SLC24A2: variants seen among roughly 807,000 people sequenced by gnomAD.
SLC24A2 encodes the protein solute carrier family 24 member 2.
SLC24A2 carries 36 observed loss-of-function variants against 62.0 expected under a neutral mutation model. The ratio of observed to expected loss-of-function variants is 0.58; its 90% CI spans 0.44 to 0.77. SLC24A2 has a LOEUF of 0.77. SLC24A2 is among the 30% of genes least tolerant of loss of function. The probability of loss-of-function intolerance (pLI) is 0.00; values close to 1 mark genes in which losing one functional copy is unlikely to be tolerated. For synonymous variants in SLC24A2, 358 were observed against 294.0 expected, an observed-to-expected ratio of 1.22 and a Z score of -2.23; for missense variants, 846 against 817.9, an observed-to-expected ratio of 1.03 and a Z score of -0.42.
the SLC24A2 span, among the ~76,000 whole-genome samples, chr9:19,816,527 C>T: frequency 6.6e-6 from 1 of 152,022 alleles, no homozygotes; most frequent in Non-Finnish European, 1.5e-5. Flanking sequence ...TTACACCATG[C>T]TTGCATTGCT....
the SLC24A2 span, among the ~76,000 whole-genome samples, chr9:19,823,042 TA>T: frequency 6.6e-6 from 1 of 152,102 alleles, no homozygotes; most frequent in African/African-American, 2.4e-5. Context: ...ATTTCCCCAG[TA>T]AAATCTTTTC....
At chr9:19,971,554 A>T in the SLC24A2 span, among the ~76,000 whole-genome samples, 1 of 152,196 alleles carries the variant, frequency 6.6e-6, no homozygotes, top group African/African-American at 2.4e-5. Flanking sequence ...CCACTCAGGG[A>T]AAAGCAGTGT....
Position 19,682,186 on chromosome 9 carries a change from A to G in SLC24A2, c.931-59887T>C, listed in dbSNP as rs558082785. 1.2e-4 allele frequency among the ~76,000 whole-genome samples: 19 copies of G among 152,248 alleles called. No homozygotes were observed. In the South Asian group the frequency reaches 3.5e-3, roughly 28 times the overall value. On this transcript the variant is annotated intron_variant, in intron 2 of 10. Transcript: ENST00000341998. ...CAGAGCTAAGATTCTAACTATAACA[A>G]TGCTCACCTGCAGTGATGAACATCC...
chr9:20,191,201 T>G, the SLC24A2 span, among the ~76,000 whole-genome samples: 4 of 151,788 alleles, frequency 2.6e-5, no homozygotes, highest in African/African-American at 9.7e-5. Flanking sequence ...CCTTTGGATC[T>G]CTTACTTCCA....
At chr9:20,173,348 A>C in the SLC24A2 span, among the ~76,000 whole-genome samples, 6 of 152,112 alleles carry the variant, frequency 3.9e-5, no homozygotes, top group African/African-American at 1.4e-4. Context: ...AGACAAGAGA[A>C]AGAAATCAAG....
the SLC24A2 span, among the ~76,000 whole-genome samples, chr9:20,130,001 C>A: frequency 1.6e-3 from 235 of 149,290 alleles, no homozygotes; most frequent in African/African-American, 4.5e-3. Context: ...TTTTGGCCTG[C>A]AATTCTATTT....
At chr9:20,141,455 A>G in the SLC24A2 span, among the ~76,000 whole-genome samples, 1 of 151,990 alleles carries the variant, frequency 6.6e-6, no homozygotes, top group African/African-American at 2.4e-5. Context: ...CTTGAGCTAC[A>G]ACTCTCTTGG....
the SLC24A2 span, among the ~76,000 whole-genome samples, chr9:20,126,719 C>T: frequency 6.6e-6 from 1 of 152,118 alleles, no homozygotes; most frequent in South Asian, 2.1e-4. Flanking sequence ...TTCAGTTTGA[C>T]AGTACAATTA....
At chr9:20,001,406 G>A in the SLC24A2 span, among the ~76,000 whole-genome samples, 1 of 152,206 alleles carries the variant, frequency 6.6e-6, no homozygotes, top group Admixed American at 6.5e-5. Context: ...AGCCTAGCAG[G>A]AAGGGGAAGA....
In SLC24A2 at chr9:19,521,060, C is replaced by T. The variant is rs1833174576; in HGVS notation, c.1570G>A (p.Val524Ile). 1.2e-6 allele frequency: 2 copies of T among 1,613,906 alleles called. No individual in the cohort carries two copies. Among genetic ancestry groups the T allele is most frequent in the South Asian group, 1.1e-5 (1 of 91,058 alleles). The part of the protein sequence containing the change: ...SYLMVWWAHQ[V>I]GETIGISEEI... ...TCACTGATGCCAATTGTCTCTCCAACCTAAATGTCAGGACAGGAATAAACA... is the reference window on the plus strand; with the variant it reads ...TCACTGATGCCAATTGTCTCTCCAATCTAAATGTCAGGACAGGAATAAACA... The change falls in exon 10 of 11, where the codon GTT (valine) becomes ATT (isoleucine). Residue 524 changes from valine (V) to isoleucine (I), a missense_variant and splice_region_variant. By Grantham distance (29) the Val-to-Ile change is conservative. Coordinates refer to ENST00000341998, the MANE Select transcript of SLC24A2 (RefSeq NM_020344.4).
chr9:19,935,352 G>T, the SLC24A2 span, among the ~76,000 whole-genome samples: 1 of 152,066 alleles, frequency 6.6e-6, no homozygotes, highest in Non-Finnish European at 1.5e-5. Context: ...AGTCCTTGCT[G>T]CTGAAGAGGA....
At chr9:20,291,437 A>G in the SLC24A2 span, among the ~76,000 whole-genome samples, 1 of 152,226 alleles carries the variant, frequency 6.6e-6, no homozygotes, top group African/African-American at 2.4e-5. Flanking sequence ...GGGACAGTCC[A>G]TAGTCCAATT....
intron 7 of SLC24A2, among the ~76,000 whole-genome samples, chr9:19,564,309 T>TCAAA (rs1486804435): frequency 2.0e-5 from 3 of 152,134 alleles, no homozygotes; most frequent in Non-Finnish European, 4.4e-5. Context: ...GACATAAAAC[T>TCAAA]CAAACATTTT....
the SLC24A2 span, among the ~76,000 whole-genome samples, chr9:19,960,185 T>C: frequency 6.6e-6 from 1 of 151,788 alleles, no homozygotes; most frequent in African/African-American, 2.4e-5. Flanking sequence ...AACACACACA[T>C]ACACACACAC....
rs1832612697 is a variant in SLC24A2 at position 19,509,036 on chromosome 9, T to G, written c.*7117A>C. ...TATTGATAAATTGTATACCTCTATT[T>G]CCCATTTTTATAAGGGAACTTCTTA... is the stretch of plus-strand genomic sequence containing the variant. On this transcript the variant is annotated 3_prime_UTR_variant, in exon 11 of 11. Coordinates refer to ENST00000341998, the MANE Select transcript of SLC24A2 (RefSeq NM_020344.4). 6.6e-6 allele frequency: 1 copy of G among 152,184 alleles called. No homozygotes were observed. The highest frequency in any genetic ancestry group is 2.4e-5 in the African/African-American group (1 of 41,450). The allele number at this position is 152,184 out of a possible 1,614,324, so 9.4% of individuals were successfully genotyped here.
chr9:19,815,959 C>CTTTTTTTTTTTTTT, the SLC24A2 span, among the ~76,000 whole-genome samples: 4 of 103,424 alleles, frequency 3.9e-5, no homozygotes, highest in Admixed American at 1.2e-4. Flanking sequence ...TTTTTTGCCC[C>CTTTTTTTTTTTTTT]TTTTTTTTTT....
At chr9:19,771,955 C>T (rs1400494210) in intron 2 of SLC24A2, among the ~76,000 whole-genome samples, 1 of 152,016 alleles carries the variant, frequency 6.6e-6, no homozygotes, top group Admixed American at 6.5e-5. Context: ...GGTCCATAAC[C>T]AAGATGTATA....
intron 2 of SLC24A2, among the ~76,000 whole-genome samples, chr9:19,708,392 T>C (rs1820601576): frequency 6.6e-6 from 1 of 152,012 alleles, no homozygotes; most frequent in Non-Finnish European, 1.5e-5. Context: ...CTTCACAGAA[T>C]TGGAAAAAAC....
chr9:19,834,467 G>C, the SLC24A2 span, among the ~76,000 whole-genome samples: 1 of 152,316 alleles, frequency 6.6e-6, no homozygotes, highest in South Asian at 2.1e-4. Flanking sequence ...CTGGAAGACA[G>C]GGTATCAGCG....
Sources: gnomAD v4.1 joint callset for allele counts (sites outside exome capture counted in the v4.1 genomes callset) on GRCh38, gnomAD v4.1.1 for gene constraint, MANE v1.5 for transcripts, NCBI Gene and HGNC (gene_info 2026-07-23, HGNC 2026-07-21) for gene names.